The following NXPE4 variants were observed in gnomAD, a reference collection of about 807,000 sequenced individuals.
The protein encoded by NXPE4 is NXPE family member 4.
NXPE4 carries 42 observed loss-of-function variants against 33.3 expected under a neutral mutation model. The ratio of observed to expected loss-of-function variants is 1.26; its 90% confidence interval spans 0.98 to 1.63. The LOEUF (loss-of-function observed/expected upper bound fraction) is 1.63. NXPE4 is among the 40% of genes most tolerant of loss of function. NXPE4 has a pLI of 0.00. For missense variants in NXPE4, 709 were observed against 647.6 expected, an observed-to-expected ratio of 1.09 and a Z score of -1.03; for synonymous variants, 253 against 234.9, an observed-to-expected ratio of 1.08 and a Z score of -0.71.
At position 114,571,036 on chromosome 11, in the gene NXPE4, C is replaced by A. The variant is rs372051990; in HGVS notation, c.1537G>T (p.Ala513Ser). ...CCATATGCAATTGTTATATCCCAGGCATCAATGATACTCACACTGAGATCC... is the reference window on the plus strand; with the variant it reads ...CCATATGCAATTGTTATATCCCAGGAATCAATGATACTCACACTGAGATCC... ...FQDLSVSIID[A>S]WDITIAYGTN... Residue 513 changes from alanine to serine, a missense_variant, in exon 6 of 6, where the codon GCC becomes TCC. Physicochemically the swap from Ala to Ser is moderately conservative, Grantham distance 99. Coordinates refer to ENST00000375478, the MANE Select transcript of NXPE4 (RefSeq NM_001077639.2). The A allele has an allele frequency of 6.2e-7, 1 of 1,613,308 alleles. No individual in the cohort carries two copies. Among genetic ancestry groups the A allele is most frequent in the Admixed American group, 1.7e-5 (1 of 59,990 alleles).
At chr11:114,630,762 G>A in the NXPE4 span, among the ~76,000 whole-genome samples, 378 of 151,222 alleles carry the variant, frequency 2.5e-3, 8 homozygotes, top group African/African-American at 5.0e-3. Context: ...GAAAATCTTC[G>A]CAACCTACTC....
the NXPE4 span, among the ~76,000 whole-genome samples, chr11:114,609,961 C>G: frequency 2.0e-5 from 3 of 151,518 alleles, no homozygotes; most frequent in South Asian, 2.1e-4. Flanking sequence ...CACTGTTACA[C>G]GGTGGATAAT....
chr11:114,649,545 CAGAA>C, the NXPE4 span, among the ~76,000 whole-genome samples: 1 of 152,204 alleles, frequency 6.6e-6, no homozygotes, highest in African/African-American at 2.4e-5. Flanking sequence ...GCTATAGAGA[CAGAA>C]AGCCCATCAG....
the NXPE4 span, among the ~76,000 whole-genome samples, chr11:114,641,205 T>C: frequency 6.6e-6 from 1 of 151,858 alleles, no homozygotes; most frequent in African/African-American, 2.4e-5. Context: ...AGAAGGAATA[T>C]AGAGTTGAGA....
chr11:114,675,548 AT>A, the NXPE4 span, among the ~76,000 whole-genome samples: 1 of 151,906 alleles, frequency 6.6e-6, no homozygotes. Flanking sequence ...AAACAATTTA[AT>A]TTAATATAGC....
intron 3 of NXPE4, 115 bp from the exon 4 acceptor site, chr11:114,581,901 C>A: frequency 1.4e-6 from 1 of 735,110 alleles, no homozygotes; most frequent in African/African-American, 1.8e-5. Flanking sequence ...ATTATTATGC[C>A]TACAGTTTCA....
chr11:114,660,805 A>G, the NXPE4 span, among the ~76,000 whole-genome samples: 1 of 152,168 alleles, frequency 6.6e-6, no homozygotes, highest in South Asian at 2.1e-4. Context: ...AAATACAACT[A>G]CATATTTTCA....
At chr11:114,600,553 T>C (rs1185790836), upstream of NXPE4, among the ~76,000 whole-genome samples, 2 of 152,092 alleles carry the variant, frequency 1.3e-5, no homozygotes, top group Non-Finnish European at 2.9e-5. Flanking sequence ...TGAGTGACGT[T>C]CTACAAAATA....
intron 2 of NXPE4, among the ~76,000 whole-genome samples, chr11:114,585,347 T>TA (rs1361654922): frequency 7.4e-4 from 112 of 152,142 alleles, no homozygotes; most frequent in African/African-American, 2.6e-3. Flanking sequence ...GAGTAGATTT[T>TA]AAAAAAACAA....
the NXPE4 span, among the ~76,000 whole-genome samples, chr11:114,612,521 A>T: frequency 1.3e-5 from 2 of 151,802 alleles, no homozygotes. Flanking sequence ...CTCGGGGGTA[A>T]CCACTGTTAC....
Position 114,582,769 on chromosome 11 carries a change from GC to G in NXPE4, c.348del (p.Gln116HisfsTer8). On this transcript the variant is annotated frameshift_variant, in exon 3 of 6. Transcript: ENST00000375478. LOFTEE classifies it high-confidence loss of function. ...TCCCTCACCTCCAGCAGGATGTGCA[GC>G]TGGTCTCCCCTGCAGTACGTATCTC... ...NPRDTYCRGD[Q>X]LHILLEVRDH... 1 of 1,614,172 alleles carries G rather than the reference GC, an allele frequency of 6.2e-7. No homozygotes were observed. The highest frequency in any genetic ancestry group is 8.5e-7 in the Non-Finnish European group (1 of 1,180,006).
chr11:114,651,189 C>T, the NXPE4 span, among the ~76,000 whole-genome samples: 3 of 152,116 alleles, frequency 2.0e-5, no homozygotes, highest in Non-Finnish European at 4.4e-5. Context: ...TGGACCCTCG[C>T]GGTTGAGTGT....
At chr11:114,632,402 CAT>C in the NXPE4 span, among the ~76,000 whole-genome samples, 1 of 128,080 alleles carries the variant, frequency 7.8e-6, no homozygotes, top group Non-Finnish European at 1.6e-5. Flanking sequence ...TATAAATATA[CAT>C]ATATAATTTT....
At chr11:114,621,680 G>T in the NXPE4 span, among the ~76,000 whole-genome samples, 3 of 152,140 alleles carry the variant, frequency 2.0e-5, no homozygotes, top group Non-Finnish European at 4.4e-5. Flanking sequence ...AATAAGTGAT[G>T]CCTCATTGGT....
chr11:114,594,544 C>G (rs1009908250), intron 2 of NXPE4, 120 bp downstream of exon 2: 7 of 683,012 alleles, frequency 1.0e-5, no homozygotes, highest in Non-Finnish European at 1.6e-5. Flanking sequence ...TGTTTGGTAT[C>G]TAGCTATTCA....
At chr11:114,641,526 T>C in the NXPE4 span, among the ~76,000 whole-genome samples, 2 of 152,178 alleles carry the variant, frequency 1.3e-5, 1 homozygote, top group South Asian at 4.1e-4. Flanking sequence ...GAGGGAAATA[T>C]GTAACTGTAC....
the NXPE4 span, among the ~76,000 whole-genome samples, chr11:114,639,094 C>A: frequency 8.3e-3 from 1,263 of 151,498 alleles, 21 homozygotes; most frequent in African/African-American, 0.028. Context: ...GGCAGGCAGC[C>A]CTCCTTGAGC....
the NXPE4 span, among the ~76,000 whole-genome samples, chr11:114,646,371 G>A: frequency 6.6e-6 from 1 of 151,424 alleles, no homozygotes; most frequent in Non-Finnish European, 1.5e-5. Flanking sequence ...ATTAAAATAA[G>A]TGTTAATTTT....
intron 2 of NXPE4, chr11:114,583,486 C>A: frequency 3.1e-6 from 2 of 640,048 alleles, no homozygotes. Context: ...TCTTGTGCTC[C>A]ATCTATCCAG....
Sources: gnomAD v4.1 joint callset for allele counts (sites outside exome capture counted in the v4.1 genomes callset) on GRCh38, gnomAD v4.1.1 for gene constraint, MANE v1.5 for transcripts, NCBI Gene and HGNC (gene_info 2026-07-23, HGNC 2026-07-21) for gene names.